Variants in CLCF1 observed in about 807,000 individuals in gnomAD.
CLCF1 encodes the protein cardiotrophin like cytokine factor 1.
CLCF1 carries 10 observed loss-of-function variants against 21.2 expected under a neutral mutation model. The ratio of observed to expected loss-of-function variants is 0.47; its 90% CI spans 0.29 to 0.80. The LOEUF is 0.80. CLCF1 is among the 30% of genes least tolerant of loss of function. The pLI is 0.09. For synonymous variants in CLCF1, 115 were observed against 120.5 expected (o/e 0.95, Z 0.30); for missense variants, 240 against 293.4 (o/e 0.82, Z 1.33).
rs1862079464 is a variant in CLCF1 at position 67,365,637 on chromosome 11, A to G, written c.184-7T>C. On this transcript the variant is annotated splice_region_variant and splice_polypyrimidine_tract_variant and intron_variant, in intron 2 of 2. Transcript: ENST00000312438. This position sits in a 1 kb window ranked among gnomAD's most constrained non-coding sequence, Gnocchi z 5.0. ...GGGGGCCCAGGTAGTTCAGCTGTGAAAAGGAGAGGGTGATGGGGAAGGAGG... is the reference window on the plus strand; with the variant it reads ...GGGGGCCCAGGTAGTTCAGCTGTGAGAAGGAGAGGGTGATGGGGAAGGAGG... 6.2e-7 allele frequency: 1 copy of G among 1,603,436 alleles called. No individual in the cohort carries two copies. The highest frequency in any genetic ancestry group is 1.3e-5 in the African/African-American group (1 of 74,698).
Position 67,372,631 on chromosome 11 carries a change from C to G in CLCF1, c.16+893G>C, listed in dbSNP as rs888647982. Among the ~76,000 whole-genome samples, 2 of 147,694 alleles carry G rather than the reference C, an allele frequency of 1.4e-5. No individual in the cohort carries two copies. The highest frequency in any genetic ancestry group is 2.1e-4 in the East Asian group (1 of 4,694). ...TCCTTCCCCGCGGCGGGGGCGGGGG[C>G]GGGGGCGGGGGCGGGGTCCGGGGCA... On this transcript the variant is annotated intron_variant, in intron 1 of 2. Transcript: ENST00000312438. This position sits in a 1 kb window ranked among gnomAD's most constrained non-coding sequence, Gnocchi z 5.9.
In CLCF1 at chr11:67,365,332, G is replaced by A. The variant is rs140991132; in HGVS notation, c.482C>T (p.Pro161Leu). 2.3e-5 allele frequency: 37 copies of A among 1,613,418 alleles called. No individual in the cohort carries two copies. In the South Asian group the frequency reaches 2.3e-4, roughly 10 times the overall value. The change falls in exon 3 of 3, where the codon CCG becomes CTG. Residue 161 changes from proline to leucine, a missense_variant. Pro to Leu is a moderately conservative substitution (Grantham distance 98). Coordinates refer to ENST00000312438, the MANE Select transcript of CLCF1 (RefSeq NM_013246.3). The surrounding 1 kb of genome is among the most constrained non-coding windows in gnomAD (Gnocchi z 5.0). ...MAALGYPLPQ[P>L]LPGTEPTWTP... The stretch of plus-strand genomic sequence containing the variant: ...CCAAGTGGGTTCAGTCCCAGGCAGC[G>A]GCTGGGGCAGTGGGTAGCCCAGAGC...
chr11:67,370,329 C>T (rs1862201591), intron 1 of CLCF1: 1 of 985,198 alleles, frequency 1.0e-6, no homozygotes, highest in Non-Finnish European at 1.2e-6. Context: ...CCCTCAGGCT[C>T]ATGTTGTGCA....
At chr11:67,371,794 C>G (rs1478604882) in intron 1 of CLCF1, among the ~76,000 whole-genome samples, 1 of 151,548 alleles carries the variant, frequency 6.6e-6, no homozygotes, top group East Asian at 1.9e-4. Flanking sequence ...AGAGGTGGGA[C>G]GTGGGGAGGA....
chr11:67,372,278 G>A lies in CLCF1; in HGVS notation c.16+1246C>T, dbSNP rs1456495407. Among the ~76,000 whole-genome samples the A allele has an allele frequency of 6.6e-6, 1 of 152,014 alleles. No homozygotes were observed. Among genetic ancestry groups the A allele is most frequent in the East Asian group, 1.9e-4 (1 of 5,136 alleles). On this transcript the variant is annotated intron_variant, in intron 1 of 2. Coordinates refer to ENST00000312438, the MANE Select transcript of CLCF1 (RefSeq NM_013246.3). The surrounding 1 kb of genome is among the most constrained non-coding windows in gnomAD (Gnocchi z 5.9). The stretch of plus-strand genomic sequence containing the variant: ...CTCTCCTGGTAGCCCCTCACACCCC[G>A]GGGGGAGGGCCAGGCTGGGAGCTGG...
Position 67,372,782 on chromosome 11 carries a change from G to A in CLCF1, c.16+742C>T, listed in dbSNP as rs534216211. ...ACTTTTTCCTGCCGGGTCCGGCCCG[G>A]CTGCGCCAGCCCCCCGCCAAACAAT... On this transcript the variant is annotated intron_variant, in intron 1 of 2. Coordinates refer to ENST00000312438, the MANE Select transcript of CLCF1 (RefSeq NM_013246.3). This position sits in a 1 kb window ranked among gnomAD's most constrained non-coding sequence, Gnocchi z 5.9. Among the ~76,000 whole-genome samples, 242 of 150,376 alleles carry A rather than the reference G, an allele frequency of 1.6e-3. 2 individuals are homozygous for A. The highest frequency in any genetic ancestry group is 5.7e-3 in the African/African-American group (237 of 41,298).
rs909719937 is a variant in CLCF1 at position 67,367,794 on chromosome 11, G to A, written c.17-168C>T. On this transcript the variant is annotated intron_variant, in intron 1 of 2. Coordinates refer to ENST00000312438, the MANE Select transcript of CLCF1 (RefSeq NM_013246.3). ...GGAGGGGAAACACTCCTGGCAAGAC[G>A]GGAGAGAAAGAGAGGCATGTGTATG... The A allele has an allele frequency of 8.1e-6, 8 of 985,428 alleles. No homozygotes were observed. The East Asian group carries it at 3.4e-4, about 42-fold the overall frequency. 61.0% of individuals were successfully genotyped at this position (985,428 alleles called of 1,614,324 possible).
In CLCF1 at chr11:67,369,362, TAGGG is replaced by T. The variant is rs202234806; in HGVS notation, c.17-1740_17-1737del. ...CACGCGTGTGTTTTAGGACAGAGAGTAGGGTCAGGCACTCAACTGCTCCCTGGGG... is the reference window on the plus strand; with the variant it reads ...CACGCGTGTGTTTTAGGACAGAGAGTTCAGGCACTCAACTGCTCCCTGGGG... On this transcript the variant is annotated intron_variant, in intron 1 of 2. Coordinates refer to ENST00000312438, the MANE Select transcript of CLCF1 (RefSeq NM_013246.3). 29,040 of 984,868 alleles carry T rather than the reference TAGGG, an allele frequency of 0.029. 4,370 individuals are homozygous for T. In the African/African-American group the frequency reaches 0.37, roughly 12 times the overall value. The allele number at this position is 984,868 out of a possible 1,614,324, so 61.0% of individuals were successfully genotyped here.
Position 67,367,613 on chromosome 11 carries a change from C to T in CLCF1, c.30G>A (p.Gly10=). 2 of 1,613,432 alleles carry T rather than the reference C, an allele frequency of 1.2e-6. No homozygotes were observed. The highest frequency in any genetic ancestry group is 1.1e-5 in the South Asian group (1 of 91,036). Residue 10 remains glycine, a synonymous_variant, in exon 2 of 3, where the codon GGG becomes GGA. Transcript: ENST00000312438. Reference sequence around the variant, plus strand: ...GCACCGTGCACAGGCACGCTAACATCCCCCACGAGTCCCCTGTGGGCAGGA... The same window carrying T: ...GCACCGTGCACAGGCACGCTAACATTCCCCACGAGTCCCCTGTGGGCAGGA... The part of the protein sequence containing the change: MDLRAGDSW[G]MLACLCTVLW...
intron 1 of CLCF1, chr11:67,368,004 G>A (rs1463472644): frequency 2.0e-6 from 2 of 979,032 alleles, no homozygotes; most frequent in South Asian, 9.4e-5. Context: ...TGTTCCAGTT[G>A]TACCCTAGCT....
In CLCF1 at chr11:67,373,474, G is replaced by A. The variant is rs745555983; in HGVS notation, c.16+50C>T. The A allele has an allele frequency of 1.1e-5, 11 of 1,037,960 alleles. No homozygotes were observed. The African/African-American group carries it at 1.8e-4, about 17-fold the overall frequency. The allele number at this position is 1,037,960 out of a possible 1,614,324, so 64.3% of individuals were successfully genotyped here. The stretch of plus-strand genomic sequence containing the variant: ...CAGGGCAGGACGGGAACCGGATCTC[G>A]TGGCTGCTTGGCGGGGCGGGGGTCG... On this transcript the variant is annotated intron_variant, in intron 1 of 2. Coordinates refer to ENST00000312438, the MANE Select transcript of CLCF1 (RefSeq NM_013246.3).
In CLCF1 at chr11:67,367,942, G is replaced by A. The variant is rs1049899410; in HGVS notation, c.17-316C>T. The A allele has an allele frequency of 9.1e-6, 9 of 985,182 alleles. No homozygotes were observed. In the Middle Eastern group the frequency reaches 1.6e-3, roughly 172 times the overall value. The allele number at this position is 985,182 out of a possible 1,614,324, so 61.0% of individuals were successfully genotyped here. On this transcript the variant is annotated intron_variant, in intron 1 of 2. Transcript: ENST00000312438. ...TGTGTGTGTGCCAACATGTATATGT[G>A]TGTACATGGAGGGACGGGGCCAGGC...
chr11:67,370,560 C>A, intron 1 of CLCF1: 1 of 913,984 alleles, frequency 1.1e-6, no homozygotes, highest in Non-Finnish European at 1.2e-6. Flanking sequence ...CCCGGCCAGC[C>A]CCTAATTCCA....
chr11:67,374,119 C>G, upstream of CLCF1: 1 of 985,872 alleles, frequency 1.0e-6, no homozygotes, highest in Non-Finnish European at 1.2e-6. Flanking sequence ...CCTCCTCCCC[C>G]TTGAGTAAAT....
In CLCF1 at chr11:67,367,469, A is replaced by T; in HGVS notation, c.174T>A (p.Ala58=). 1 of 1,614,236 alleles carries T rather than the reference A, an allele frequency of 6.2e-7. No homozygotes were observed. Among genetic ancestry groups the T allele is most frequent in the Non-Finnish European group, 8.5e-7 (1 of 1,180,022 alleles). The change falls in exon 2 of 3, where the codon GCT becomes GCA. Residue 58 remains alanine (A), a synonymous_variant. Transcript: ENST00000312438. ...TACGCTGGATACTCACATAGGTCCC[A>T]GCCAAGCTGCGGAGTTGGTGCTCCA... ...RYLEHQLRSL[A]GTYLNYLGPP... is the part of the protein sequence containing the mutation.
At chr11:67,368,812 C>T (rs1454934666) in intron 1 of CLCF1, 21 of 984,150 alleles carry the variant, frequency 2.1e-5, no homozygotes, top group Non-Finnish European at 2.5e-5. Context: ...TCAGATGGGG[C>T]GCTGCTTGTC....
chr11:67,369,776 A>G (rs570041752), intron 1 of CLCF1: 2 of 985,384 alleles, frequency 2.0e-6, no homozygotes, highest in African/African-American at 1.7e-5. Context: ...TGCCTTTGTC[A>G]TGGCCAAGAG....
intron 2 of CLCF1, 68 bp downstream of exon 2, chr11:67,367,392 G>A (rs558426361): frequency 2.7e-5 from 44 of 1,611,774 alleles, no homozygotes; most frequent in Admixed American, 2.7e-4. Flanking sequence ...AACCCTCCAC[G>A]GTTAGGACTG....
At chr11:67,373,735 T>A, upstream of CLCF1, 1 of 1,168,280 alleles carries the variant, frequency 8.6e-7, no homozygotes, top group Non-Finnish European at 1.1e-6. Context: ...TTTTCTGACG[T>A]GTAAAGCTGT....
Sources: allele counts gnomAD v4.1 joint callset (sites outside exome capture counted in the v4.1 genomes callset), GRCh38; gene constraint gnomAD v4.1.1; non-coding constraint Gnocchi (gnomAD v3.1); transcripts MANE v1.5; gene names NCBI Gene and HGNC (gene_info 2026-07-23, HGNC 2026-07-21).